Variants in NDFIP2 observed in about 807,000 individuals in gnomAD.
The protein encoded by NDFIP2 is NEDD4 family-interacting protein 2.
Under a neutral mutation model 36.0 loss-of-function variants are expected in NDFIP2, and 19 were observed. That is an observed-to-expected ratio of 0.53 (90% CI 0.37 to 0.77). NDFIP2 has a LOEUF of 0.77. Among genes scored for constraint, NDFIP2 ranks in the 30% least tolerant of loss-of-function variants. The probability of loss-of-function intolerance (pLI) is 0.00; values close to 1 mark genes in which losing one functional copy is unlikely to be tolerated. For missense variants in NDFIP2, 446 were observed against 435.8 expected (o/e 1.02, Z -0.21); for synonymous variants, 181 against 167.7 (o/e 1.08, Z -0.61).
rs117296092 is a variant in NDFIP2, at chr13:79,492,934, T to C, written c.321+11410T>C. On this transcript the variant is annotated intron_variant, in intron 1 of 7. Transcript: ENST00000218652. ...GACTAATTTCAATTGTGTATTCAGATCTATATTTAGATGTTATTTTCTTCA... is the reference window on the plus strand; with the variant it reads ...GACTAATTTCAATTGTGTATTCAGACCTATATTTAGATGTTATTTTCTTCA... Among the ~76,000 whole-genome samples the C allele has an allele frequency of 5.3e-5, 8 of 152,306 alleles. No homozygotes were observed. The East Asian group carries it at 1.5e-3, about 29-fold the overall frequency.
In NDFIP2 at chr13:79,524,056, C is replaced by T. The variant is rs927001811; in HGVS notation, c.487+3081C>T. Among the ~76,000 whole-genome samples the T allele has an allele frequency of 8.5e-5, 13 of 152,254 alleles. No individual in the cohort carries two copies. The East Asian group carries it at 1.2e-3, about 14-fold the overall frequency. On this transcript the variant is annotated intron_variant, in intron 2 of 7. Coordinates refer to ENST00000218652, the MANE Select transcript of NDFIP2 (RefSeq NM_019080.3). Reference sequence around the variant, plus strand: ...TTCTATAATTTTGACATTTAATGTCCGTGCCATTTGAAACACTTCAGCAGA... The same window carrying T: ...TTCTATAATTTTGACATTTAATGTCTGTGCCATTTGAAACACTTCAGCAGA...
intron 1 of NDFIP2, among the ~76,000 whole-genome samples, chr13:79,520,063 T>C (rs1273334575): frequency 1.3e-5 from 2 of 152,174 alleles, no homozygotes; most frequent in Non-Finnish European, 2.9e-5. Context: ...GGCCTCCCAA[T>C]GTGCTGGTAT....
chr13:79,500,768 A>G (rs1357740715), intron 1 of NDFIP2, among the ~76,000 whole-genome samples: 1 of 152,044 alleles, frequency 6.6e-6, no homozygotes, highest in African/African-American at 2.4e-5. Context: ...TTATAAAGCT[A>G]AACATACTCT....
At chr13:79,491,732 A>T (rs926348873) in intron 1 of NDFIP2, among the ~76,000 whole-genome samples, 1 of 152,198 alleles carries the variant, frequency 6.6e-6, no homozygotes, top group African/African-American at 2.4e-5. Flanking sequence ...GGAATCTTCT[A>T]CTGACGTTTA....
chr13:79,519,528 T>C (rs1874481790), intron 1 of NDFIP2, among the ~76,000 whole-genome samples: 1 of 152,314 alleles, frequency 6.6e-6, no homozygotes, highest in Non-Finnish European at 1.5e-5. Flanking sequence ...CTTTAATTCC[T>C]TACTCTACTC....
intron 1 of NDFIP2, among the ~76,000 whole-genome samples, chr13:79,502,292 T>C (rs1458692269): frequency 1.3e-5 from 2 of 152,166 alleles, no homozygotes; most frequent in African/African-American, 4.8e-5. Flanking sequence ...TGAAATTAAA[T>C]AAGACAGTAC....
rs191614346 is a variant in NDFIP2 at position 79,541,412 on chromosome 13, A to G, written c.715+1637A>G. On this transcript the variant is annotated intron_variant, in intron 4 of 7. Coordinates refer to ENST00000218652, the MANE Select transcript of NDFIP2 (RefSeq NM_019080.3). ...ATTAGTTAATATAATGTAAATGTAT[A>G]TATTTATATTTAATAGATTTAATAT... Among the ~76,000 whole-genome samples, 12 of 150,872 alleles carry G rather than the reference A, an allele frequency of 8.0e-5. No homozygotes were observed. In the East Asian group the frequency reaches 1.5e-3, roughly 19 times the overall value.
At chr13:79,501,686 A>C (rs779094904) in intron 1 of NDFIP2, among the ~76,000 whole-genome samples, 1 of 152,124 alleles carries the variant, frequency 6.6e-6, no homozygotes, top group Non-Finnish European at 1.5e-5. Context: ...CAACCCCTTG[A>C]CTATCATCTG....
intron 1 of NDFIP2, among the ~76,000 whole-genome samples, chr13:79,518,468 A>G (rs993366081): frequency 3.9e-5 from 6 of 152,212 alleles, no homozygotes; most frequent in Admixed American, 2.0e-4. Context: ...AGACATGGAA[A>G]AAGCAATGTG....
intron 1 of NDFIP2, among the ~76,000 whole-genome samples, chr13:79,494,412 A>C (rs942579357): frequency 1.2e-4 from 18 of 152,118 alleles, no homozygotes; most frequent in Non-Finnish European, 2.2e-4. Flanking sequence ...AACTTTAAAA[A>C]TATTTCATGG....
intron 3 of NDFIP2, 131 bp from the exon 4 acceptor site, chr13:79,539,551 A>G: frequency 3.0e-6 from 2 of 664,332 alleles, no homozygotes; most frequent in Non-Finnish European, 5.3e-6. Flanking sequence ...TGTGCCAGAC[A>G]TTGTACTCAT....
At position 79,481,480 on chromosome 13, in the gene NDFIP2, G is replaced by A. The variant is rs1197857895; in HGVS notation, c.277G>A (p.Gly93Ser). The change falls in exon 1 of 8, where the codon GGC becomes AGC. Residue 93 changes from glycine to serine, a missense_variant. Transcript: ENST00000218652. ...CTCTCGGAAGCCGGATCCCGAGCCGGGCAGGATGGATCACCACCAGCCGGG... is the reference window on the plus strand; with the variant it reads ...CTCTCGGAAGCCGGATCCCGAGCCGAGCAGGATGGATCACCACCAGCCGGG... ...SLSRKPDPEP[G>S]RMDHHQPGTG... The A allele has an allele frequency of 6.4e-7, 1 of 1,561,742 alleles. No individual in the cohort carries two copies.
chr13:79,539,304 T>C (rs1875368870), intron 3 of NDFIP2, among the ~76,000 whole-genome samples: 2 of 152,192 alleles, frequency 1.3e-5, no homozygotes, highest in African/African-American at 4.8e-5. Flanking sequence ...TTATTTTTGA[T>C]AATTATTGCA....
At chr13:79,532,546 T>A (rs1166706991) in intron 2 of NDFIP2, among the ~76,000 whole-genome samples, 1 of 152,222 alleles carries the variant, frequency 6.6e-6, no homozygotes, top group African/African-American at 2.4e-5. Context: ...GTATTTTCTA[T>A]TGTAATGTAT....
At chr13:79,484,748 A>C (rs1052326009) in intron 1 of NDFIP2, among the ~76,000 whole-genome samples, 2 of 152,218 alleles carry the variant, frequency 1.3e-5, no homozygotes, top group Non-Finnish European at 2.9e-5. Flanking sequence ...GGCTTGAAGG[A>C]GGCCTGACTA....
Position 79,552,813 on chromosome 13 carries a change from G to A in NDFIP2, c.*300G>A, listed in dbSNP as rs1344454211. 6.6e-6 allele frequency: 1 copy of A among 151,862 alleles called. No homozygotes were observed. The highest frequency in any genetic ancestry group is 1.9e-4 in the East Asian group (1 of 5,196). The allele number at this position is 151,862 out of a possible 1,614,324, so 9.4% of individuals were successfully genotyped here. A position where few individuals can be genotyped will look rare whatever the true frequency, so the allele number is the denominator to read the frequency against. ...AAGTCCAGTCACATTTGGTTAATCA[G>A]TGTTTGATATAATTGAAAGAGTTGA... On this transcript the variant is annotated 3_prime_UTR_variant, in exon 8 of 8. Coordinates refer to ENST00000218652, the MANE Select transcript of NDFIP2 (RefSeq NM_019080.3).
At chr13:79,550,572 T>C (rs1414156) in intron 6 of NDFIP2, among the ~76,000 whole-genome samples, 89,149 of 150,834 alleles carry the variant, frequency 0.59, 27,144 homozygotes, top group African/African-American at 0.72. Context: ...TTTTTCCTCA[T>C]AATTGTTAGT....
At chr13:79,501,732 G>A (rs1477159592) in intron 1 of NDFIP2, among the ~76,000 whole-genome samples, 1 of 152,104 alleles carries the variant, frequency 6.6e-6, no homozygotes, top group African/African-American at 2.4e-5. Context: ...CTTCCTGGAT[G>A]AATCACTAAC....
chr13:79,552,376 A>G (rs1875941405), intron 7 of NDFIP2, 140 bp from the exon 8 acceptor site: 1 of 151,538 alleles, frequency 6.6e-6, no homozygotes, highest in African/African-American at 2.4e-5. Flanking sequence ...ACACTTTAGA[A>G]TGTATTCTGA....
Sources: gnomAD v4.1 joint callset for allele counts (sites outside exome capture counted in the v4.1 genomes callset) on GRCh38, gnomAD v4.1.1 for gene constraint, MANE v1.5 for transcripts, NCBI Gene and HGNC (gene_info 2026-07-23, HGNC 2026-07-21) for gene names.